The following CBR4 variants were observed in gnomAD, a reference collection of about 807,000 sequenced individuals.
CBR4 encodes the protein carbonyl reductase 4.
CBR4 carries 22 observed loss-of-function variants against 21.0 expected under a neutral mutation model. The observed-to-expected ratio is 1.05, with a 90% CI of 0.75 to 1.50. The LOEUF (loss-of-function observed/expected upper bound fraction) is 1.50. Among genes scored for constraint, CBR4 ranks in the 40% most tolerant of loss-of-function variants. The probability of loss-of-function intolerance (pLI) is 0.00; values close to 1 mark genes in which losing one functional copy is unlikely to be tolerated. For synonymous variants in CBR4, 100 were observed against 104.4 expected (o/e 0.96, Z 0.26); for missense variants, 302 against 286.3 (o/e 1.05, Z -0.40).
At chr4:168,944,776 CAATGGAATT>C (rs1763358036) in intron 2 of CBR4, among the ~76,000 whole-genome samples, 1 of 151,980 alleles carries the variant, frequency 6.6e-6, no homozygotes, top group African/African-American at 2.4e-5. Context: ...CTCTAAAGTG[CAATGGAATT>C]TATGTGTATT....
rs569520109 is a variant in CBR4 at position 168,990,436 on chromosome 4, T to A, written c.536-108A>T. ...CTGAAAATTTTAATTTGAAATTATT[T>A]AAAAAAAAATTTTTTTTTGAGACAG... On this transcript the variant is annotated intron_variant, in intron 4 of 4. Transcript: ENST00000306193. 1,090 of 978,898 alleles carry A rather than the reference T, an allele frequency of 1.1e-3. 2 individuals are homozygous for A. The highest frequency in any genetic ancestry group is 1.8e-3 in the Middle Eastern group (5 of 2,722). 60.6% of individuals were successfully genotyped at this position (978,898 alleles called of 1,614,324 possible). A position where few individuals can be genotyped will look rare whatever the true frequency, so the allele number is the denominator to read the frequency against.
chr4:168,989,858 GT>G lies in CBR4; in HGVS notation c.*291del. The G allele has an allele frequency of 9.6e-7, 1 of 1,045,952 alleles. No individual in the cohort carries two copies. The highest frequency in any genetic ancestry group is 1.2e-6 in the Non-Finnish European group (1 of 867,874). 64.8% of individuals were successfully genotyped at this position (1,045,952 alleles called of 1,614,324 possible). A position where few individuals can be genotyped will look rare whatever the true frequency, so the allele number is the denominator to read the frequency against. ...GATGATTGCACATGTATTTAAATATGTTAAAACCACTGAATTGTGTATTTTA... is the reference window on the plus strand; with the variant it reads ...GATGATTGCACATGTATTTAAATATGTAAAACCACTGAATTGTGTATTTTA... On this transcript the variant is annotated 3_prime_UTR_variant, in exon 5 of 5. Transcript: ENST00000306193.
chr4:168,947,891 T>C (rs1763436821), intron 2 of CBR4, among the ~76,000 whole-genome samples: 2 of 152,194 alleles, frequency 1.3e-5, no homozygotes, highest in African/African-American at 4.8e-5. Context: ...GGGTAGATAC[T>C]CAGTAGTGGG....
intron 2 of CBR4, among the ~76,000 whole-genome samples, chr4:168,929,160 T>G (rs1762880251): frequency 6.6e-6 from 1 of 151,940 alleles, no homozygotes; most frequent in South Asian, 2.1e-4. Flanking sequence ...AGGAAGAAAG[T>G]AAGTATAAAT....
intron 2 of CBR4, among the ~76,000 whole-genome samples, chr4:168,917,736 C>CTTAGGATCATTATTTATTTTT (rs1760486904): frequency 6.6e-6 from 1 of 151,896 alleles, no homozygotes; most frequent in South Asian, 2.1e-4. Context: ...TATTTTATTT[C>CTTAGGATCATTATTTATTTTT]TTAGGATCAT....
chr4:168,929,956 G>A (rs983562428), intron 2 of CBR4, among the ~76,000 whole-genome samples: 12 of 151,968 alleles, frequency 7.9e-5, no homozygotes, highest in Non-Finnish European at 1.3e-4. Flanking sequence ...AACTTGGATG[G>A]GAAAAACATT....
chr4:168,961,429 A>C (rs1763850011), intron 2 of CBR4, among the ~76,000 whole-genome samples: 2 of 152,234 alleles, frequency 1.3e-5, no homozygotes, highest in Admixed American at 6.5e-5. Context: ...TTTATCCAAA[A>C]GAATCTAAAA....
chr4:168,905,894 G>C (rs142194107), intron 2 of CBR4, among the ~76,000 whole-genome samples: 31 of 150,666 alleles, frequency 2.1e-4, no homozygotes, highest in African/African-American at 7.3e-4. Flanking sequence ...CCACCTCCTG[G>C]GTTCAAGCAA....
chr4:168,949,354 T>C (rs1050964642), intron 2 of CBR4, among the ~76,000 whole-genome samples: 2 of 152,170 alleles, frequency 1.3e-5, no homozygotes, highest in African/African-American at 2.4e-5. Context: ...GGATACCCTG[T>C]ATTTCTTTCT....
rs376543811 is a variant in CBR4 at position 168,992,546 on chromosome 4, TAGA to T, written c.536-2221_536-2219del. 3.8e-3 allele frequency among the ~76,000 whole-genome samples: 581 copies of T among 152,272 alleles called. 5 individuals are homozygous for T. The highest frequency in any genetic ancestry group is 6.6e-3 in the Non-Finnish European group (450 of 67,998). ...AAAATAAAAAATAAAAATTATGCTA[TAGA>T]AGGATACTTAAATCTGAAAGTAACA... On this transcript the variant is annotated intron_variant, in intron 4 of 4. Coordinates refer to ENST00000306193, the MANE Select transcript of CBR4 (RefSeq NM_032783.5).
chr4:169,004,747 T>C (rs1184688746), intron 3 of CBR4, among the ~76,000 whole-genome samples: 4 of 152,228 alleles, frequency 2.6e-5, no homozygotes, highest in African/African-American at 7.2e-5. Context: ...TCAATCTAAA[T>C]TGGCAAAGCT....
At position 168,988,379 on chromosome 4, in the gene CBR4, A is replaced by G; in HGVS notation, c.*1771T>C. 3 of 985,420 alleles carry G rather than the reference A, an allele frequency of 3.0e-6. No homozygotes were observed. The highest frequency in any genetic ancestry group is 3.6e-6 in the Non-Finnish European group (3 of 829,916). 61.0% of individuals were successfully genotyped at this position (985,420 alleles called of 1,614,324 possible). A position where few individuals can be genotyped will look rare whatever the true frequency, so the allele number is the denominator to read the frequency against. On this transcript the variant is annotated 3_prime_UTR_variant, in exon 5 of 5. Transcript: ENST00000306193. ...TAACCTACATCTTAATGTCAGCAAA[A>G]CATACTGCTTTCTACCCAAATCACC... is the stretch of plus-strand genomic sequence containing the variant.
At chr4:168,898,964 A>G (rs577050591) in intron 2 of CBR4, among the ~76,000 whole-genome samples, 4 of 152,190 alleles carry the variant, frequency 2.6e-5, no homozygotes, top group Admixed American at 2.0e-4. Context: ...TCACACACCT[A>G]TATCATTTAT....
At chr4:168,960,960 C>T (rs555215992) in intron 2 of CBR4, among the ~76,000 whole-genome samples, 2 of 152,334 alleles carry the variant, frequency 1.3e-5, no homozygotes, top group East Asian at 3.9e-4. Context: ...TCTGAATGAG[C>T]TCTATCCAAT....
chr4:168,969,474 G>C (rs1764139437), intron 2 of CBR4, among the ~76,000 whole-genome samples: 1 of 152,068 alleles, frequency 6.6e-6, no homozygotes, highest in African/African-American at 2.4e-5. Context: ...GGATAATCTG[G>C]CTAGACCCAG....
chr4:168,921,504 A>G, intron 2 of CBR4: 1 of 1,484,496 alleles, frequency 6.7e-7, no homozygotes, highest in South Asian at 1.2e-5. Flanking sequence ...TTTAATACAA[A>G]AATTTACATG....
intron 2 of CBR4, among the ~76,000 whole-genome samples, chr4:168,904,964 T>G (rs952039681): frequency 3.3e-5 from 5 of 151,764 alleles, no homozygotes; most frequent in Admixed American, 3.3e-4. Flanking sequence ...CTGTCTCTAC[T>G]AAAAATACAA....
intron 2 of CBR4, chr4:168,924,321 AC>A (rs1270532166): frequency 6.2e-7 from 1 of 1,613,896 alleles, no homozygotes; most frequent in Non-Finnish European, 8.5e-7. Flanking sequence ...GCTGATGGGT[AC>A]CCAGTGCGGC....
chr4:168,911,267 A>G, intron 2 of CBR4, among the ~76,000 whole-genome samples: 1 of 152,212 alleles, frequency 6.6e-6, no homozygotes, highest in East Asian at 1.9e-4. Flanking sequence ...GTAACAACCC[A>G]TACCTCCTTT....
Sources: allele counts gnomAD v4.1 joint callset (sites outside exome capture counted in the v4.1 genomes callset), GRCh38; gene constraint gnomAD v4.1.1; transcripts MANE v1.5; gene names NCBI Gene and HGNC (gene_info 2026-07-23, HGNC 2026-07-21).